The following SLC25A12 variants were observed in gnomAD, a reference collection of about 807,000 sequenced individuals.
The protein encoded by SLC25A12 is electrogenic aspartate/glutamate antiporter SLC25A12, mitochondrial.
Under a neutral mutation model 83.3 loss-of-function variants are expected in SLC25A12, and 32 were observed. That is an observed-to-expected ratio of 0.38 (90% CI 0.29 to 0.52). The LOEUF (loss-of-function observed/expected upper bound fraction) is 0.52, where lower values mean the gene tolerates loss of function less well. Ranked by LOEUF, SLC25A12 falls within the 20% of genes least tolerant of loss-of-function variation. SLC25A12 has a pLI of 0.84. For synonymous variants in SLC25A12, 267 were observed against 291.1 expected, an observed-to-expected ratio of 0.92 and a Z score of 0.84; for missense variants, 611 against 835.6, an observed-to-expected ratio of 0.73 and a Z score of 3.31.
intron 15 of SLC25A12, among the ~76,000 whole-genome samples, chr2:171,790,024 G>A (rs755135542): frequency 6.6e-6 from 1 of 152,178 alleles, no homozygotes; most frequent in Non-Finnish European, 1.5e-5. Context: ...CATTGCTAGA[G>A]GAGAAAGGAC....
At chr2:171,871,250 T>C (rs1685451165) in intron 2 of SLC25A12, among the ~76,000 whole-genome samples, 3 of 151,014 alleles carry the variant, frequency 2.0e-5, no homozygotes, top group African/African-American at 7.3e-5. Context: ...CCACCACAAG[T>C]GCTATATCAG....
chr2:171,785,192 A>G lies in SLC25A12; in HGVS notation c.*82T>C, dbSNP rs1362148077. ...CTCCTCAGCTCAGTCAGTACCATGC[A>G]GCTGACTGGATACATTACAGGGCTG... On this transcript the variant is annotated 3_prime_UTR_variant, in exon 18 of 18. Coordinates refer to ENST00000422440, the MANE Select transcript of SLC25A12 (RefSeq NM_003705.5). 1 of 1,238,708 alleles carries G rather than the reference A, an allele frequency of 8.1e-7. No homozygotes were observed. Among genetic ancestry groups the G allele is most frequent in the Non-Finnish European group, 1.2e-6 (1 of 842,980 alleles). 76.7% of individuals were successfully genotyped at this position (1,238,708 alleles called of 1,614,324 possible). A position where few individuals can be genotyped will look rare whatever the true frequency, so the allele number is the denominator to read the frequency against.
chr2:171,848,520 T>C (rs531830342), intron 4 of SLC25A12, among the ~76,000 whole-genome samples: 1 of 152,144 alleles, frequency 6.6e-6, no homozygotes, highest in African/African-American at 2.4e-5. Flanking sequence ...TCCTTGTACA[T>C]AGCTGAACAA....
intron 8 of SLC25A12, among the ~76,000 whole-genome samples, chr2:171,831,054 C>A (rs1250973730): frequency 6.6e-6 from 1 of 152,250 alleles, no homozygotes; most frequent in Non-Finnish European, 1.5e-5. Context: ...CAGCGAGCTG[C>A]GTAGCCTAGC....
chr2:171,867,633 C>G (rs540918812), intron 3 of SLC25A12, among the ~76,000 whole-genome samples: 1 of 151,894 alleles, frequency 6.6e-6, no homozygotes, highest in Non-Finnish European at 1.5e-5. Flanking sequence ...AGAGGGAGAC[C>G]GTGGGGAGAG....
chr2:171,828,549 AATGGCC>A (rs1382198812), intron 8 of SLC25A12, among the ~76,000 whole-genome samples: 1 of 152,136 alleles, frequency 6.6e-6, no homozygotes, highest in Non-Finnish European at 1.5e-5. Context: ...ATTTTTATAG[AATGGCC>A]TGCCCTTACA....
chr2:171,861,631 C>T (rs1333833385), intron 3 of SLC25A12, among the ~76,000 whole-genome samples: 2 of 152,186 alleles, frequency 1.3e-5, no homozygotes, highest in East Asian at 3.8e-4. Context: ...TGGTTTTGAA[C>T]TCCTAGCCTC....
chr2:171,859,256 G>A (rs187911112), intron 3 of SLC25A12, among the ~76,000 whole-genome samples: 2 of 152,198 alleles, frequency 1.3e-5, no homozygotes, highest in African/African-American at 2.4e-5. Context: ...GATATATCAC[G>A]AGATATATAT....
intron 13 of SLC25A12, among the ~76,000 whole-genome samples, chr2:171,808,901 G>A (rs1464073901): frequency 7.1e-6 from 1 of 141,228 alleles, no homozygotes; most frequent in Admixed American, 7.6e-5. Context: ...TCCCTGCCCT[G>A]TGTCCAGGTG....
At chr2:171,846,419 T>C (rs1191661809) in intron 4 of SLC25A12, among the ~76,000 whole-genome samples, 1 of 152,106 alleles carries the variant, frequency 6.6e-6, no homozygotes, top group African/African-American at 2.4e-5. Flanking sequence ...ATCCCTTTTA[T>C]ATAATAAGAA....
chr2:171,797,376 T>G (rs1683620196), intron 13 of SLC25A12, among the ~76,000 whole-genome samples: 2 of 152,172 alleles, frequency 1.3e-5, no homozygotes, highest in East Asian at 3.8e-4. Context: ...TAGGCACACA[T>G]TTGATCATAA....
intron 4 of SLC25A12, chr2:171,852,782 T>C (rs991244188): frequency 2.7e-6 from 1 of 369,250 alleles, no homozygotes; most frequent in African/African-American, 2.1e-5. Context: ...GAAATCTTGT[T>C]AAATGGCATT....
At chr2:171,815,033 G>C in intron 10 of SLC25A12, 88 bp downstream of exon 10, 1 of 1,064,260 alleles carries the variant, frequency 9.4e-7, no homozygotes, top group Non-Finnish European at 1.5e-6. Flanking sequence ...TGGGAACAAT[G>C]AACTGCACCT....
intron 4 of SLC25A12, among the ~76,000 whole-genome samples, chr2:171,846,152 C>A (rs1023694798): frequency 6.6e-6 from 1 of 151,792 alleles, no homozygotes; most frequent in Non-Finnish European, 1.5e-5. Context: ...TGTTTCTAGT[C>A]CCAAATTAAT....
At chr2:171,863,529 C>CA (rs56272846) in intron 3 of SLC25A12, among the ~76,000 whole-genome samples, 23 of 128,364 alleles carry the variant, frequency 1.8e-4, no homozygotes, top group Admixed American at 5.5e-4. Flanking sequence ...CCGTCTCCGA[C>CA]AAAAAAAAAA....
At chr2:171,868,934 AG>A in intron 2 of SLC25A12, 111 bp from the exon 3 acceptor site, 1 of 975,248 alleles carries the variant, frequency 1.0e-6, no homozygotes, top group Non-Finnish European at 1.5e-6. Context: ...ATCAAAATAA[AG>A]ATAATAAATG....
intron 9 of SLC25A12, among the ~76,000 whole-genome samples, chr2:171,817,334 G>T (rs1029899075): frequency 6.6e-6 from 1 of 152,096 alleles, no homozygotes; most frequent in African/African-American, 2.4e-5. Flanking sequence ...CAGCACAGTG[G>T]CTCATACCTG....
intron 13 of SLC25A12, among the ~76,000 whole-genome samples, chr2:171,803,970 C>T (rs940314187): frequency 6.6e-6 from 1 of 152,106 alleles, no homozygotes; most frequent in Non-Finnish European, 1.5e-5. Context: ...ATATGACACA[C>T]CAATTCCACT....
intron 2 of SLC25A12, among the ~76,000 whole-genome samples, chr2:171,870,503 C>G (rs888478397): frequency 1.3e-5 from 2 of 151,958 alleles, no homozygotes; most frequent in African/African-American, 4.8e-5. Context: ...TGCCTATAGT[C>G]CTAACTACTC....
Sources: allele counts gnomAD v4.1 joint callset (sites outside exome capture counted in the v4.1 genomes callset), GRCh38; gene constraint gnomAD v4.1.1; transcripts MANE v1.5; gene names NCBI Gene and HGNC (gene_info 2026-07-23, HGNC 2026-07-21).